HLX: variants seen among roughly 807,000 people sequenced by gnomAD.
The protein encoded by HLX is H2.0 like homeobox.
HLX carries 6 observed loss-of-function variants against 27.7 expected under a neutral mutation model. That is an observed-to-expected ratio of 0.22 (90% CI 0.12 to 0.43). The LOEUF (loss-of-function observed/expected upper bound fraction) is 0.43, where lower values mean the gene tolerates loss of function less well. Among genes scored for constraint, HLX ranks in the 20% least tolerant of loss-of-function variants. The probability of loss-of-function intolerance (pLI) is 1.00; values close to 1 mark genes in which losing one functional copy is unlikely to be tolerated. For missense variants in HLX, 666 were observed against 655.2 expected, an observed-to-expected ratio of 1.02 and a Z score of -0.18; for synonymous variants, 328 against 293.8, an observed-to-expected ratio of 1.12 and a Z score of -1.19.
At chr1:220,882,552 A>T (rs543968494) in intron 3 of HLX, 6 of 587,544 alleles carry the variant, frequency 1.0e-5, no homozygotes, top group Non-Finnish European at 1.8e-5. Context: ...GGACCGAGAG[A>T]AGAGCTCATC....
rs1302077845 is a variant in HLX, at chr1:220,884,302, C to T, written c.1065C>T (p.Ala355=). 3.1e-6 allele frequency: 5 copies of T among 1,613,778 alleles called. No individual in the cohort carries two copies. Among genetic ancestry groups the T allele is most frequent in the East Asian group, 2.2e-5 (1 of 44,850 alleles). Residue 355 remains alanine (A), a synonymous_variant, in exon 4 of 4, where the codon GCC becomes GCT. Transcript: ENST00000366903. The surrounding 1 kb of genome is among the most constrained non-coding windows in gnomAD (Gnocchi z 4.9). ...CTGGCGAGAAGCCATCAGGTGGAGC[C>T]CCGGCTGCGGATGGCGAGCAGGACG... ...KEAGEKPSGG[A]PAADGEQDER... is the part of the protein sequence containing the mutation.
In HLX at chr1:220,884,734, T is replaced by C; in HGVS notation, c.*30T>C. On this transcript the variant is annotated 3_prime_UTR_variant, in exon 4 of 4. Coordinates refer to ENST00000366903, the MANE Select transcript of HLX (RefSeq NM_021958.4). The surrounding 1 kb of genome is among the most constrained non-coding windows in gnomAD (Gnocchi z 4.9). ...TACTAGGGCGGAGGGGATCCGGGCC[T>C]TGCGTGCAGCCTCCCAACCATGGGC... 7 of 1,600,106 alleles carry C rather than the reference T, an allele frequency of 4.4e-6. No homozygotes were observed. The highest frequency in any genetic ancestry group is 5.9e-6 in the Non-Finnish European group (7 of 1,177,892).
Position 220,884,519 on chromosome 1 carries a change from G to C in HLX, c.1282G>C (p.Gly428Arg). 2 of 1,608,486 alleles carry C rather than the reference G, an allele frequency of 1.2e-6. No homozygotes were observed. Among genetic ancestry groups the C allele is most frequent in the Non-Finnish European group, 1.7e-6 (2 of 1,177,008 alleles). ...CAGTGCTGGGAGTGGTGGGAGCAGC[G>C]GCGGCGGCGGCAATAGTTTCAGCTT... ...ASSAGSGGSS[G>R]GGGNSFSFSS... The change falls in exon 4 of 4, where the codon GGC becomes CGC. Residue 428 changes from glycine to arginine, a missense_variant. Physicochemically the swap from Gly to Arg is moderately radical, Grantham distance 125. Transcript: ENST00000366903. The surrounding 1 kb of genome is among the most constrained non-coding windows in gnomAD (Gnocchi z 4.9).
chr1:220,884,232 G>A lies in HLX; in HGVS notation c.995G>A (p.Arg332Gln), dbSNP rs781159180. The A allele has an allele frequency of 1.2e-6, 2 of 1,613,948 alleles. No individual in the cohort carries two copies. The highest frequency in any genetic ancestry group is 1.7e-6 in the Non-Finnish European group (2 of 1,180,000). Residue 332 changes from arginine (R) to glutamine (Q), a missense_variant, in exon 4 of 4, where the codon CGG (arginine) becomes CAG (glutamine). By Grantham distance (43) the Arg-to-Gln change is conservative. Coordinates refer to ENST00000366903, the MANE Select transcript of HLX (RefSeq NM_021958.4). This position sits in a 1 kb window ranked among gnomAD's most constrained non-coding sequence, Gnocchi z 4.9. ...TTCCAGAACCGGCGGATGAAGTGGC[G>A]GCACTCCAAGGAGGCCCAGGCCCAA... is the stretch of plus-strand genomic sequence containing the variant. ...VWFQNRRMKWRHSKEAQAQKD... is the reference protein window; with the variant it reads ...VWFQNRRMKWQHSKEAQAQKD...
chr1:220,882,868 G>A (rs115345143), intron 3 of HLX: 51 of 165,244 alleles, frequency 3.1e-4, no homozygotes, highest in African/African-American at 1.2e-3. Context: ...AGGAGGGCAG[G>A]GAGTCTGCTT....
Position 220,884,354 on chromosome 1 carries a change from G to A in HLX, c.1117G>A (p.Glu373Lys). The A allele has an allele frequency of 6.2e-7, 1 of 1,614,102 alleles. No individual in the cohort carries two copies. The highest frequency in any genetic ancestry group is 8.5e-7 in the Non-Finnish European group (1 of 1,180,022). The part of the protein sequence containing the change: ...DERSPSRSEG[E>K]AESESSDSES... ...GAGGAGCCCCAGCCGTTCTGAAGGC[G>A]AGGCTGAGAGCGAGAGCAGCGACTC... is the stretch of plus-strand genomic sequence containing the variant. The change falls in exon 4 of 4, where the codon GAG becomes AAG. Residue 373 changes from glutamate to lysine, a missense_variant. Coordinates refer to ENST00000366903, the MANE Select transcript of HLX (RefSeq NM_021958.4). This position sits in a 1 kb window ranked among gnomAD's most constrained non-coding sequence, Gnocchi z 4.9.
At chr1:220,882,743 T>G (rs1674484820) in intron 3 of HLX, 1 of 186,654 alleles carries the variant, frequency 5.4e-6, no homozygotes, top group South Asian at 9.8e-5. Flanking sequence ...TGTTGTTGGG[T>G]TTTTTTCCCT....
chr1:220,881,610 T>A, intron 2 of HLX: 13 of 560,220 alleles, frequency 2.3e-5, no homozygotes, highest in Admixed American at 3.1e-5. Flanking sequence ...GCGTGGACGG[T>A]GGGGTGGGGG....
At position 220,881,378 on chromosome 1, in the gene HLX, G is replaced by A. The variant is rs750158833; in HGVS notation, c.772+5G>A. The A allele has an allele frequency of 2.6e-5, 42 of 1,612,432 alleles. No homozygotes were observed. The Middle Eastern group carries it at 4.9e-4, about 19-fold the overall frequency. On this transcript the variant is annotated splice_donor_5th_base_variant and intron_variant, in intron 2 of 3. Transcript: ENST00000366903. Reference sequence around the variant, plus strand: ...AGTTCCAAGACACGTTTCCAGGTACGGAAAAACTCCAGAGTACTGCCTAAC... The same window carrying A: ...AGTTCCAAGACACGTTTCCAGGTACAGAAAAACTCCAGAGTACTGCCTAAC...
At position 220,882,149 on chromosome 1, in the gene HLX, C is replaced by T. The variant is rs1391115463; in HGVS notation, c.773-15C>T. 1.2e-6 allele frequency: 2 copies of T among 1,613,890 alleles called. No individual in the cohort carries two copies. Among genetic ancestry groups the T allele is most frequent in the South Asian group, 2.2e-5 (2 of 90,982 alleles). ...CCTCTTGTCTTTCTTCCCTCTGGCT[C>T]CCGTTCTGCGGCAGGTCCCTATGCT... On this transcript the variant is annotated splice_polypyrimidine_tract_variant and intron_variant, in intron 2 of 3. Transcript: ENST00000366903.
intron 3 of HLX, chr1:220,883,014 T>G (rs1674492125): frequency 6.6e-6 from 1 of 152,330 alleles, no homozygotes; most frequent in African/African-American, 2.4e-5. Flanking sequence ...TATTTGAATT[T>G]TTTCAAGACA....
chr1:220,881,230 G>A lies in HLX; in HGVS notation c.629G>A (p.Gly210Glu). The stretch of plus-strand genomic sequence containing the variant: ...CTGCTAACCGGTGGGCGGCCCGCCG[G>A]GGTGCACCTCTCAGGCCTGCAGCCC... ...TSLLTGGRPA[G>E]VHLSGLQPSA... The change falls in exon 2 of 4, where the codon GGG (glycine) becomes GAG (glutamate). Residue 210 changes from glycine to glutamate, a missense_variant. By Grantham distance (98) the Gly-to-Glu change is moderately conservative (BLOSUM62 -2). Transcript: ENST00000366903. The A allele has an allele frequency of 6.2e-7, 1 of 1,614,096 alleles. No homozygotes were observed. The highest frequency in any genetic ancestry group is 8.5e-7 in the Non-Finnish European group (1 of 1,179,980).
rs1558115249 is a variant in HLX at position 220,880,238 on chromosome 1, A to G, written c.381A>G (p.Gln127=). 8.7e-6 allele frequency: 14 copies of G among 1,608,622 alleles called. No individual in the cohort carries two copies. In the East Asian group the frequency reaches 9.0e-5, roughly 10 times the overall value. The change falls in exon 1 of 4, where the codon CAA becomes CAG. Residue 127 remains glutamine, a synonymous_variant. Coordinates refer to ENST00000366903, the MANE Select transcript of HLX (RefSeq NM_021958.4). ...ACCACCACCATCACCCGCAACAACA[A>G]CAGCAGCAGCAACAGCCGCAGCAGC... is the stretch of plus-strand genomic sequence containing the variant. The part of the protein sequence containing the change: ...AAYHHHHPQQ[Q]QQQQQPQQQQ...
At chr1:220,880,652 A>C in intron 1 of HLX, 1 of 614,584 alleles carries the variant, frequency 1.6e-6, no homozygotes, top group Non-Finnish European at 2.9e-6. Flanking sequence ...AAATGACTCC[A>C]GGGATTCTTT....
rs377616408 is a variant in HLX at position 220,881,243 on chromosome 1, A to G, written c.642A>G (p.Ser214=). The change falls in exon 2 of 4, where the codon TCA becomes TCG. Residue 214 remains serine, a synonymous_variant. Coordinates refer to ENST00000366903, the MANE Select transcript of HLX (RefSeq NM_021958.4). The part of the protein sequence containing the change: ...TGGRPAGVHL[S]GLQPSAGQFF... The stretch of plus-strand genomic sequence containing the variant: ...GGCGGCCCGCCGGGGTGCACCTCTC[A>G]GGCCTGCAGCCCTCGGCCGGCCAGT... 2.5e-6 allele frequency: 4 copies of G among 1,614,136 alleles called. No homozygotes were observed. The highest frequency in any genetic ancestry group is 2.2e-5 in the East Asian group (1 of 44,868).
In HLX at chr1:220,879,946, G is replaced by A. The variant is rs1416263752; in HGVS notation, c.89G>A (p.Cys30Tyr). 7 of 1,598,586 alleles carry A rather than the reference G, an allele frequency of 4.4e-6. No homozygotes were observed. The highest frequency in any genetic ancestry group is 1.1e-5 in the South Asian group (1 of 90,588). The change falls in exon 1 of 4, where the codon TGC (cysteine) becomes TAC (tyrosine). Residue 30 changes from cysteine to tyrosine, a missense_variant. Physicochemically the swap from Cys to Tyr is radical, Grantham distance 194. Transcript: ENST00000366903. The part of the protein sequence containing the change: ...AYCSSAGPGG[C>Y]SFPLDPAAVK... Reference sequence around the variant, plus strand: ...TGCTCCTCGGCCGGCCCAGGCGGCTGCTCCTTCCCCTTGGACCCCGCCGCC... The same window carrying A: ...TGCTCCTCGGCCGGCCCAGGCGGCTACTCCTTCCCCTTGGACCCCGCCGCC...
In HLX at chr1:220,884,771, C is replaced by A; in HGVS notation, c.*67C>A. Reference sequence around the variant, plus strand: ...TCCCAACCATGGGCTGGGTTTTGTGCTTACTGTATGTTGGCGACTTGGTAG... The same window carrying A: ...TCCCAACCATGGGCTGGGTTTTGTGATTACTGTATGTTGGCGACTTGGTAG... On this transcript the variant is annotated 3_prime_UTR_variant, in exon 4 of 4. Transcript: ENST00000366903. This position sits in a 1 kb window ranked among gnomAD's most constrained non-coding sequence, Gnocchi z 4.9. The A allele has an allele frequency of 6.4e-7, 1 of 1,572,440 alleles. No individual in the cohort carries two copies. The highest frequency in any genetic ancestry group is 1.8e-5 in the Admixed American group (1 of 56,322).
chr1:220,884,317 C>A lies in HLX; in HGVS notation c.1080C>A (p.Gly360=), dbSNP rs1207905951. ...CAGGTGGAGCCCCGGCTGCGGATGG[C>A]GAGCAGGACGAGAGGAGCCCCAGCC... The part of the protein sequence containing the change: ...KPSGGAPAAD[G]EQDERSPSRS... The change falls in exon 4 of 4, where the codon GGC becomes GGA. Residue 360 remains glycine (G), a synonymous_variant. Coordinates refer to ENST00000366903, the MANE Select transcript of HLX (RefSeq NM_021958.4). The surrounding 1 kb of genome is among the most constrained non-coding windows in gnomAD (Gnocchi z 4.9). 6.2e-7 allele frequency: 1 copy of A among 1,613,482 alleles called. No homozygotes were observed. Among genetic ancestry groups the A allele is most frequent in the Admixed American group, 1.7e-5 (1 of 59,996 alleles).
Position 220,879,864 on chromosome 1 carries a change from G to A in HLX, c.7G>A (p.Ala3Thr). ...CGCGGCTCACCCCGGCAGGATGTTC[G>A]CAGCCGGGCTGGCTCCCTTCTACGC... MF[A>T]AGLAPFYASN... Residue 3 changes from alanine to threonine, a missense_variant, in exon 1 of 4, where the codon GCA (alanine) becomes ACA (threonine). Coordinates refer to ENST00000366903, the MANE Select transcript of HLX (RefSeq NM_021958.4). 3 of 1,578,472 alleles carry A rather than the reference G, an allele frequency of 1.9e-6. No homozygotes were observed. Among genetic ancestry groups the A allele is most frequent in the Non-Finnish European group, 1.7e-6 (2 of 1,169,636 alleles).
Sources: gnomAD v4.1 joint callset for allele counts on GRCh38, gnomAD v4.1.1 for gene constraint, Gnocchi (gnomAD v3.1) non-coding constraint, MANE v1.5 for transcripts, NCBI Gene and HGNC (gene_info 2026-07-23, HGNC 2026-07-21) for gene names.